The following ADGRL2 variants were observed in gnomAD, a reference collection of about 807,000 sequenced individuals.
ADGRL2 encodes the protein calcium-independent alpha-latrotoxin receptor 2.
A neutral mutation model predicts 157.4 loss-of-function variants in ADGRL2; 44 were observed. The ratio of observed to expected loss-of-function variants is 0.28; its 90% CI spans 0.22 to 0.36. ADGRL2 has a LOEUF of 0.36. Ranked by LOEUF, ADGRL2 falls within the 10% of genes least tolerant of loss-of-function variation. The probability of loss-of-function intolerance (pLI) is 1.00; values close to 1 mark genes in which losing one functional copy is unlikely to be tolerated. For missense variants in ADGRL2, 1,510 were observed against 1,768.9 expected, an observed-to-expected ratio of 0.85 and a Z score of 2.63; for synonymous variants, 585 against 624.7, an observed-to-expected ratio of 0.94 and a Z score of 0.95.
intron 2 of ADGRL2, among the ~76,000 whole-genome samples, chr1:81,470,993 A>C (rs897492499): frequency 1.3e-5 from 2 of 152,218 alleles, no homozygotes; most frequent in African/African-American, 4.8e-5. Context: ...TGTAACCCTC[A>C]CAAATAATTT....
chr1:81,582,160 C>T lies in ADGRL2; in HGVS notation c.-143+1180C>T, dbSNP rs532552960. ...ATTTGAACCCAGGAGGTGGAGCTTG[C>T]GGTGAGCCAAGATCACGCCACTACA... On this transcript the variant is annotated intron_variant, in intron 3 of 24. Coordinates refer to the ADGRL2 transcript ENST00000370721. Among the ~76,000 whole-genome samples, 3 of 152,034 alleles carry T rather than the reference C, an allele frequency of 2.0e-5. No homozygotes were observed. In the South Asian group the frequency reaches 6.2e-4, roughly 32 times the overall value.
chr1:81,984,649 C>T lies in ADGRL2; in HGVS notation c.3349C>T (p.Pro1117Ser). Reference sequence around the variant, plus strand: ...CTGTGGAGGCCTCCCAACTGAGAGTCCCCACAGTTCAGTGAAGGCATCAAC... The same window carrying T: ...CTGTGGAGGCCTCCCAACTGAGAGTTCCCACAGTTCAGTGAAGGCATCAAC... ...YCCGGLPTESPHSSVKASTTR... is the reference protein window; with the variant it reads ...YCCGGLPTESSHSSVKASTTR... Residue 1117 changes from proline (P) to serine (S), a missense_variant, in exon 20 of 24, where the codon CCC (proline) becomes TCC (serine). Transcript: ENST00000686636. The T allele has an allele frequency of 6.2e-7, 1 of 1,612,686 alleles. No individual in the cohort carries two copies. Among genetic ancestry groups the T allele is most frequent in the South Asian group, 1.1e-5 (1 of 91,046 alleles).
At chr1:81,600,430 C>G (rs2081313275) in intron 3 of ADGRL2, among the ~76,000 whole-genome samples, 1 of 152,188 alleles carries the variant, frequency 6.6e-6, no homozygotes. Flanking sequence ...AAGGGGCAGA[C>G]AGGCCTAGAG....
At chr1:81,969,977 A>G (rs1294616181) in intron 15 of ADGRL2, among the ~76,000 whole-genome samples, 1 of 150,152 alleles carries the variant, frequency 6.7e-6, no homozygotes, top group Non-Finnish European at 1.5e-5. Context: ...ATCATCTACA[A>G]GTGGAATATT....
intron 2 of ADGRL2, among the ~76,000 whole-genome samples, chr1:81,840,817 A>G (rs956961730): frequency 7.9e-5 from 12 of 152,258 alleles, no homozygotes; most frequent in African/African-American, 2.6e-4. Flanking sequence ...TTTTGTAAAT[A>G]TTTCTTATAA....
intron 2 of ADGRL2, among the ~76,000 whole-genome samples, chr1:81,569,368 T>A (rs1329542540): frequency 3.9e-5 from 6 of 152,220 alleles, no homozygotes; most frequent in Non-Finnish European, 8.8e-5. Flanking sequence ...TCCATACTAG[T>A]TATCTATTGC....
chr1:81,391,723 G>C (rs1245297594), intron 1 of ADGRL2, among the ~76,000 whole-genome samples: 2 of 152,052 alleles, frequency 1.3e-5, no homozygotes, highest in Admixed American at 6.6e-5. Context: ...CTCCAAACCT[G>C]TGCCTCACTA....
intron 1 of ADGRL2, among the ~76,000 whole-genome samples, chr1:81,372,381 T>G (rs1376222710): frequency 1.3e-5 from 2 of 152,180 alleles, no homozygotes; most frequent in Non-Finnish European, 2.9e-5. Flanking sequence ...GCACATTATG[T>G]AAGGAGGGCC....
At chr1:81,699,804 A>C (rs1218123199) in exon 1 of ADGRL2, 1 of 152,230 alleles carries the variant, frequency 6.6e-6, no homozygotes, top group Non-Finnish European at 1.5e-5. Context: ...ATTACAACTG[A>C]TAAGGTAAGG....
chr1:81,880,313 GAC>G (rs2151195024), intron 2 of ADGRL2, among the ~76,000 whole-genome samples: 1 of 152,232 alleles, frequency 6.6e-6, no homozygotes, highest in African/African-American at 2.4e-5. Flanking sequence ...AAATATATGA[GAC>G]AGCCTTTTCT....
At chr1:81,391,948 C>T (rs1041731152) in intron 1 of ADGRL2, among the ~76,000 whole-genome samples, 1 of 152,080 alleles carries the variant, frequency 6.6e-6, no homozygotes, top group Admixed American at 6.5e-5. Flanking sequence ...TTATGTGTAT[C>T]ATCATATTTA....
chr1:81,879,029 A>G (rs1270603492), intron 2 of ADGRL2, among the ~76,000 whole-genome samples: 1 of 152,230 alleles, frequency 6.6e-6, no homozygotes, highest in African/African-American at 2.4e-5. Context: ...CTAGCAAACA[A>G]TGAAATGAAA....
At chr1:81,802,711 C>A (rs2088440626) in intron 1 of ADGRL2, among the ~76,000 whole-genome samples, 1 of 152,152 alleles carries the variant, frequency 6.6e-6, no homozygotes, top group Non-Finnish European at 1.5e-5. Context: ...CAGCGTCCCG[C>A]CCGCTTTGCC....
intron 2 of ADGRL2, among the ~76,000 whole-genome samples, chr1:81,539,947 G>T (rs2148316909): frequency 6.6e-6 from 1 of 152,168 alleles, no homozygotes; most frequent in Non-Finnish European, 1.5e-5. Context: ...GATGACTGGT[G>T]ACTCTAAGAA....
At chr1:81,942,403 C>T (rs1648371278) in intron 5 of ADGRL2, among the ~76,000 whole-genome samples, 1 of 151,880 alleles carries the variant, frequency 6.6e-6, no homozygotes, top group Admixed American at 6.6e-5. Context: ...ATTGTTTCAT[C>T]ACTGCTTTTC....
intron 3 of ADGRL2, among the ~76,000 whole-genome samples, chr1:81,641,691 G>C (rs539718894): frequency 6.6e-6 from 1 of 151,980 alleles, no homozygotes; most frequent in Non-Finnish European, 1.5e-5. Flanking sequence ...GTGCTCAGAG[G>C]GAAATTTATA....
chr1:81,788,051 G>A (rs2087141763), intron 2 of ADGRL2, among the ~76,000 whole-genome samples: 1 of 152,148 alleles, frequency 6.6e-6, no homozygotes. Context: ...CCAGTTTATA[G>A]AAATGTGGGT....
At chr1:81,859,458 G>A (rs1057111192) in intron 2 of ADGRL2, among the ~76,000 whole-genome samples, 3 of 140,430 alleles carry the variant, frequency 2.1e-5, no homozygotes, top group African/African-American at 8.0e-5. Context: ...CCAGGCTGGT[G>A]TGCAGTGGCA....
chr1:81,826,492 A>G (rs1449251648), intron 1 of ADGRL2, among the ~76,000 whole-genome samples: 1 of 152,234 alleles, frequency 6.6e-6, no homozygotes. Flanking sequence ...TGTGTGCATA[A>G]GCTGCAACTT....
Sources: allele counts gnomAD v4.1 joint callset (sites outside exome capture counted in the v4.1 genomes callset), GRCh38; gene constraint gnomAD v4.1.1; transcripts MANE v1.5; gene names NCBI Gene and HGNC (gene_info 2026-07-23, HGNC 2026-07-21).